The following NPC1 variants were observed in gnomAD, a reference collection of about 807,000 sequenced individuals.
NPC1 encodes the protein Niemann-Pick C1 protein.
Under a neutral mutation model 140.4 loss-of-function variants are expected in NPC1, and 85 were observed. The ratio of observed to expected loss-of-function variants is 0.61; its 90% CI spans 0.51 to 0.72. The LOEUF (loss-of-function observed/expected upper bound fraction) is 0.72. Among genes scored for constraint, NPC1 ranks in the 30% least tolerant of loss-of-function variants. The pLI, the probability that NPC1 is intolerant of heterozygous loss-of-function variation, is 0.00. For synonymous variants in NPC1, 656 were observed against 624.8 expected (o/e 1.05, Z -0.74); for missense variants, 1,504 against 1,623.8 (o/e 0.93, Z 1.27).
At chr18:23,524,399 T>G (rs1232898733), downstream of NPC1, 4 of 1,612,450 alleles carry the variant, frequency 2.5e-6, no homozygotes, top group Non-Finnish European at 3.4e-6. Context: ...TTTCATCTTT[T>G]CCTGGTTTAG....
chr18:23,529,565 GATAGAGAGTT>G (rs2058421851), downstream of NPC1: 6 of 1,404,154 alleles, frequency 4.3e-6, no homozygotes, highest in Non-Finnish European at 6.1e-6. Context: ...GTGGGGGTTG[GATAGAGAGTT>G]ATATGCAGCC....
chr18:23,561,554 G>T lies in NPC1; in HGVS notation c.464-27C>A, dbSNP rs768990017. The T allele has an allele frequency of 6.8e-6, 11 of 1,612,146 alleles. No individual in the cohort carries two copies. In the South Asian group the frequency reaches 1.1e-4, roughly 16 times the overall value. On this transcript the variant is annotated intron_variant, in intron 4 of 24. Coordinates refer to ENST00000269228, the MANE Select transcript of NPC1 (RefSeq NM_000271.5). ...TAGAAGAGGAAACCCAAAGGAAAAA[G>T]GAGACAAGATGCTTGCTGTAATTCA...
At chr18:23,577,753 T>A (rs928947942) in intron 1 of NPC1, among the ~76,000 whole-genome samples, 11 of 152,230 alleles carry the variant, frequency 7.2e-5, no homozygotes, top group African/African-American at 2.7e-4. Context: ...CATGGCGGGC[T>A]GCAGGTCCCG....
intron 3 of NPC1, among the ~76,000 whole-genome samples, chr18:23,513,410 C>T (rs930517890): frequency 2.0e-5 from 3 of 152,202 alleles, no homozygotes; most frequent in South Asian, 2.1e-4. Flanking sequence ...CCGCACTGAG[C>T]GTATACACCA....
chr18:23,560,584 C>A, intron 5 of NPC1, 104 bp from the exon 6 acceptor site: 3 of 1,189,786 alleles, frequency 2.5e-6, no homozygotes, highest in Admixed American at 2.4e-5. Context: ...CATAAAACAA[C>A]TGAAAGAAGA....
intron 17 of NPC1, 35 bp downstream of exon 17, chr18:23,540,413 A>T (rs748320959): frequency 7.6e-7 from 1 of 1,308,474 alleles, no homozygotes; most frequent in Non-Finnish European, 1.1e-6. Context: ...TCAGCTAAAG[A>T]AGTTAAAAAA....
chr18:23,523,844 A>G (rs1032491051), intron 1 of NPC1, among the ~76,000 whole-genome samples: 5 of 152,230 alleles, frequency 3.3e-5, no homozygotes, highest in African/African-American at 1.2e-4. Flanking sequence ...GTGCATATGT[A>G]AACGATCATG....
chr18:23,571,192 T>C (rs923766590), intron 3 of NPC1, among the ~76,000 whole-genome samples: 3 of 150,808 alleles, frequency 2.0e-5, no homozygotes, highest in African/African-American at 7.4e-5. Context: ...TTCTGACAAA[T>C]TGTAAGAGTG....
intron 20 of NPC1, 127 bp from the exon 21 acceptor site, chr18:23,537,003 A>C: frequency 1.3e-6 from 1 of 754,650 alleles, no homozygotes. Flanking sequence ...TGTACATTTC[A>C]GGGATGAAGA....
downstream of NPC1, chr18:23,526,613 T>G (rs966457251): frequency 3.1e-6 from 5 of 1,612,330 alleles, no homozygotes; most frequent in African/African-American, 5.3e-5. Context: ...CATACTGTTT[T>G]ATTTGCTGCC....
chr18:23,515,926 G>T, intron 3 of NPC1: 25 of 1,614,120 alleles, frequency 1.5e-5, no homozygotes, highest in Non-Finnish European at 2.1e-5. Flanking sequence ...TACATGTACT[G>T]CCCCGAGAGC....
In NPC1 at chr18:23,533,512, G is replaced by A. The variant is rs1221421212; in HGVS notation, c.3597C>T (p.Phe1199=). 1 of 1,614,016 alleles carries A rather than the reference G, an allele frequency of 6.2e-7. No homozygotes were observed. The highest frequency in any genetic ancestry group is 8.5e-7 in the Non-Finnish European group (1 of 1,179,972). Residue 1199 remains phenylalanine (F), a synonymous_variant, in exon 24 of 25, where the codon TTC becomes TTT. Transcript: ENST00000269228. The part of the protein sequence containing the change: ...EALAHMGSSV[F]SGITLTKFGG... ...CAAATTTTGTAAGTGTGATTCCACT[G>A]AACACCTAAAAGAAGAGATACTGTG... is the stretch of plus-strand genomic sequence containing the variant.
intron 4 of NPC1, among the ~76,000 whole-genome samples, chr18:23,567,966 T>TAAACAACTG (rs1491292759): frequency 9.5e-4 from 144 of 152,310 alleles, no homozygotes; most frequent in Non-Finnish European, 1.3e-3. Flanking sequence ...TTCATAAATA[T>TAAACAACTG]TTTTCTTATG....
At chr18:23,576,563 A>T in intron 1 of NPC1, 3 of 966,708 alleles carry the variant, frequency 3.1e-6, no homozygotes, top group Non-Finnish European at 3.7e-6. Context: ...TCTTGGTCTC[A>T]CTGACTTCAA....
Position 23,568,808 on chromosome 18 carries a change from T to G in NPC1, c.463+15A>C, listed in dbSNP as rs1000226677. On this transcript the variant is annotated intron_variant, in intron 4 of 24. Coordinates refer to ENST00000269228, the MANE Select transcript of NPC1 (RefSeq NM_000271.5). ...ATGCCAGCTGTAAAAGAGGAATAAT[T>G]AAAAGTTTACTTACCATTGGCAAAA... The G allele has an allele frequency of 8.1e-6, 13 of 1,607,652 alleles. No individual in the cohort carries two copies. The highest frequency in any genetic ancestry group is 1.0e-5 in the Non-Finnish European group (12 of 1,174,248).
chr18:23,516,724 CTTCTTT>C (rs2058016515), intron 3 of NPC1, among the ~76,000 whole-genome samples: 2 of 140,494 alleles, frequency 1.4e-5, no homozygotes, highest in African/African-American at 2.6e-5. Context: ...AGAATTTCTT[CTTCTTT>C]TTTTTTTTTT....
chr18:23,555,021 CA>C (rs768721281), intron 8 of NPC1, 37 bp from the exon 9 acceptor site: 1 of 1,297,092 alleles, frequency 7.7e-7, no homozygotes, highest in South Asian at 1.2e-5. Flanking sequence ...AACCCAGAAA[CA>C]CGTCACATTT....
At chr18:23,518,573 CAG>C (rs1257318873), downstream of NPC1, among the ~76,000 whole-genome samples, 14 of 152,128 alleles carry the variant, frequency 9.2e-5, no homozygotes, top group East Asian at 3.9e-4. Flanking sequence ...ACTTGGAAAA[CAG>C]AGAAGAAAAT....
intron 3 of NPC1, chr18:23,508,038 C>T: frequency 6.2e-7 from 1 of 1,609,984 alleles, no homozygotes; most frequent in Non-Finnish European, 8.5e-7. Context: ...CACAGGAGTG[C>T]AAGGTATGAC....
Sources: allele counts gnomAD v4.1 joint callset (sites outside exome capture counted in the v4.1 genomes callset), GRCh38; gene constraint gnomAD v4.1.1; transcripts MANE v1.5; gene names NCBI Gene and HGNC (gene_info 2026-07-23, HGNC 2026-07-21).